RYR3: variants seen among roughly 807,000 people sequenced by gnomAD.
RYR3 encodes brain ryanodine receptor-calcium release channel.
RYR3 carries 207 observed loss-of-function variants against 584.3 expected under a neutral mutation model. The ratio of observed to expected loss-of-function variants is 0.35; its 90% confidence interval spans 0.32 to 0.40. The LOEUF (loss-of-function observed/expected upper bound fraction) is 0.40, where lower values mean the gene tolerates loss of function less well. Ranked by LOEUF, RYR3 falls within the 10% of genes least tolerant of loss-of-function variation. RYR3 has a pLI of 1.00. For synonymous variants in RYR3, 2,416 were observed against 2,248.5 expected (o/e 1.07, Z -2.11); for missense variants, 5,616 against 6,089.2 (o/e 0.92, Z 2.59).
chr15:33,812,106 A>C (rs1211748723), intron 72 of RYR3, among the ~76,000 whole-genome samples: 1 of 152,198 alleles, frequency 6.6e-6, no homozygotes, highest in East Asian at 1.9e-4. Context: ...TACCCACACT[A>C]TGCATAAATA....
chr15:33,636,818 T>C (rs1454360989), intron 27 of RYR3, among the ~76,000 whole-genome samples: 1 of 152,236 alleles, frequency 6.6e-6, no homozygotes, highest in Non-Finnish European at 1.5e-5. Flanking sequence ...TGTCTTGGCA[T>C]TTTAAGATTC....
chr15:33,810,788 G>A, intron 71 of RYR3, 139 bp downstream of exon 71: 3 of 1,136,412 alleles, frequency 2.6e-6, no homozygotes, highest in Non-Finnish European at 3.8e-6. Flanking sequence ...GAGGCAACAC[G>A]CCCTCATCTT....
chr15:33,848,006 G>A (rs970014938), intron 93 of RYR3, among the ~76,000 whole-genome samples: 5 of 152,196 alleles, frequency 3.3e-5, no homozygotes, highest in Admixed American at 6.5e-5. Flanking sequence ...TCATCTAGGC[G>A]TGGCCTGCAC....
chr15:33,568,128 A>G (rs754651268), intron 12 of RYR3, among the ~76,000 whole-genome samples: 1 of 152,198 alleles, frequency 6.6e-6, no homozygotes, highest in Non-Finnish European at 1.5e-5. Flanking sequence ...TAGAGGCAGA[A>G]GTGGAAAGAG....
At chr15:33,836,157 TG>T in intron 87 of RYR3, among the ~76,000 whole-genome samples, 1 of 143,820 alleles carries the variant, frequency 7.0e-6, no homozygotes, top group African/African-American at 2.6e-5. Context: ...TCTTTTCTTT[TG>T]CTTTTTTTTT....
rs2077196894 is a variant in RYR3, at chr15:33,823,127, G to A, written c.11072+55G>A. ...AAAAAACTCTTCCCTCTAAGCATAGGAGGCAGGGGAAGGGGAGCACAAAAT... is the reference window on the plus strand; with the variant it reads ...AAAAAACTCTTCCCTCTAAGCATAGAAGGCAGGGGAAGGGGAGCACAAAAT... On this transcript the variant is annotated intron_variant, in intron 81 of 103. Coordinates refer to ENST00000634891, the MANE Select transcript of RYR3 (RefSeq NM_001036.6). 4 of 1,486,304 alleles carry A rather than the reference G, an allele frequency of 2.7e-6. 1 individual carries two copies. The South Asian group carries it at 4.8e-5, about 18-fold the overall frequency. 92.1% of individuals were successfully genotyped at this position (1,486,304 alleles called of 1,614,324 possible). A position where few individuals can be genotyped will look rare whatever the true frequency, so the allele number is the denominator to read the frequency against.
intron 2 of RYR3, among the ~76,000 whole-genome samples, chr15:33,474,543 G>A (rs2049207076): frequency 6.6e-6 from 1 of 152,156 alleles, no homozygotes; most frequent in Non-Finnish European, 1.5e-5. Context: ...AAAGTTAACT[G>A]ACTGCAGATG....
At chr15:33,526,880 C>G (rs1217365290) in intron 3 of RYR3, among the ~76,000 whole-genome samples, 3 of 152,130 alleles carry the variant, frequency 2.0e-5, no homozygotes, top group Non-Finnish European at 4.4e-5. Context: ...GATGATTGTT[C>G]TTTTAGAAGA....
At chr15:33,660,775 G>T (rs144622295) in intron 34 of RYR3, among the ~76,000 whole-genome samples, 1 of 152,254 alleles carries the variant, frequency 6.6e-6, no homozygotes, top group African/African-American at 2.4e-5. Flanking sequence ...TCAGGTTCCT[G>T]GTCTCCCCTT....
Position 33,837,946 on chromosome 15 carries a change from A to G in RYR3, c.11966A>G (p.Asp3989Gly). Residue 3989 changes from aspartate to glycine, a missense_variant, in exon 89 of 104, where the codon GAC (aspartate) becomes GGC (glycine). Physicochemically the swap from Asp to Gly is moderately conservative, Grantham distance 94 (BLOSUM62 -1). Transcript: ENST00000634891. ...GACCGGTTCCATGAGCCAGCCAAGG[A>G]CATAGGGTTTAATGTGGCTGTGTTA... Reference protein sequence around the residue: ...FVDRFHEPAKDIGFNVAVLLT... With the variant: ...FVDRFHEPAKGIGFNVAVLLT... 6.2e-7 allele frequency: 1 copy of G among 1,613,992 alleles called. No individual in the cohort carries two copies. Among genetic ancestry groups the G allele is most frequent in the Non-Finnish European group, 8.5e-7 (1 of 1,179,886 alleles).
At chr15:33,642,467 T>C (rs899658298) in intron 27 of RYR3, among the ~76,000 whole-genome samples, 3 of 152,236 alleles carry the variant, frequency 2.0e-5, no homozygotes, top group Admixed American at 6.5e-5. Flanking sequence ...AGGTATGATT[T>C]GCAGCAAACA....
chr15:33,848,439 C>G lies in RYR3; in HGVS notation c.13628+18C>G, dbSNP rs775762965. ...AACACACCGTGAGTGTCCCTCTACC[C>G]CAACCTAAAAAGGAGATGGAGTCTC... On this transcript the variant is annotated intron_variant, in intron 94 of 103. Coordinates refer to ENST00000634891, the MANE Select transcript of RYR3 (RefSeq NM_001036.6). 8 of 1,598,876 alleles carry G rather than the reference C, an allele frequency of 5.0e-6. No homozygotes were observed. In the Admixed American group the frequency reaches 1.4e-4, roughly 29 times the overall value.
chr15:33,725,972 C>T (rs1415212237), intron 45 of RYR3, among the ~76,000 whole-genome samples: 1 of 40,526 alleles, frequency 2.5e-5, no homozygotes, highest in Non-Finnish European at 6.0e-5. Context: ...TCCATCCCCC[C>T]CCCCAAAAAA....
chr15:33,665,090 GGCTGCTTTTAGACTGGCAA>G (rs1566909668), intron 36 of RYR3, among the ~76,000 whole-genome samples: 101 of 152,308 alleles, frequency 6.6e-4, no homozygotes, highest in African/African-American at 2.3e-3. Flanking sequence ...AATGTTGTCA[GGCTGCTTTTAGACTGGCAA>G]TAGATCTGCA....
At chr15:33,725,976 C>CCCCAAAA (rs1555427643) in intron 45 of RYR3, among the ~76,000 whole-genome samples, 2 of 31,520 alleles carry the variant, frequency 6.3e-5, no homozygotes, top group Non-Finnish European at 1.2e-4. Flanking sequence ...TCCCCCCCCC[C>CCCCAAAA]AAAAAAAAAA....
At chr15:33,862,993 G>A (rs907008192) in intron 102 of RYR3, among the ~76,000 whole-genome samples, 1 of 152,180 alleles carries the variant, frequency 6.6e-6, no homozygotes, top group Non-Finnish European at 1.5e-5. Flanking sequence ...CCCATTAAGA[G>A]AATATACATC....
intron 1 of RYR3, among the ~76,000 whole-genome samples, chr15:33,454,094 C>T (rs553037486): frequency 2.0e-5 from 3 of 152,298 alleles, no homozygotes; most frequent in African/African-American, 7.2e-5. Context: ...TCTGTTCCTT[C>T]AGTGATTTGT....
At chr15:33,640,284 G>A (rs1385158593) in intron 27 of RYR3, among the ~76,000 whole-genome samples, 2 of 152,246 alleles carry the variant, frequency 1.3e-5, no homozygotes, top group African/African-American at 4.8e-5. Flanking sequence ...TCAGAAAGCG[G>A]CTGTGGCAGG....
At chr15:33,546,137 A>G (rs2056220905) in intron 8 of RYR3, among the ~76,000 whole-genome samples, 1 of 152,154 alleles carries the variant, frequency 6.6e-6, no homozygotes, top group East Asian at 1.9e-4. Flanking sequence ...GTGAGATTAA[A>G]TGGAGCAAGC....
Sources: gnomAD v4.1 joint callset for allele counts (sites outside exome capture counted in the v4.1 genomes callset) on GRCh38, gnomAD v4.1.1 for gene constraint, MANE v1.5 for transcripts, NCBI Gene and HGNC (gene_info 2026-07-23, HGNC 2026-07-21) for gene names.